Variants in SLC12A2 observed in about 807,000 individuals in gnomAD.
SLC12A2 encodes the protein Na-K-2Cl cotransporter 1.
SLC12A2 carries 67 observed loss-of-function variants against 136.3 expected under a neutral mutation model. The observed-to-expected ratio is 0.49, with a 90% CI of 0.40 to 0.60. SLC12A2 has a LOEUF of 0.60. SLC12A2 is among the 20% of genes least tolerant of loss of function. SLC12A2 has a pLI of 0.00. For missense variants in SLC12A2, 1,322 were observed against 1,534.7 expected (o/e 0.86, Z 2.32); for synonymous variants, 619 against 562.9 (o/e 1.10, Z -1.41).
intron 4 of SLC12A2, among the ~76,000 whole-genome samples, chr5:128,126,966 A>ATATAATTTTTTT: frequency 1.4e-4 from 3 of 21,156 alleles, no homozygotes; most frequent in African/African-American, 7.5e-4. Context: ...ATATATATAT[A>ATATAATTTTTTT]TTTTTTTTTT....
chr5:128,124,219 T>C (rs938358995), intron 4 of SLC12A2, among the ~76,000 whole-genome samples: 4 of 152,220 alleles, frequency 2.6e-5, no homozygotes, highest in African/African-American at 7.2e-5. Flanking sequence ...TTTTACACAC[T>C]TCTGACTCCA....
intron 17 of SLC12A2, among the ~76,000 whole-genome samples, chr5:128,162,542 AAGTTG>A (rs1763075070): frequency 6.6e-6 from 1 of 152,180 alleles, no homozygotes; most frequent in African/African-American, 2.4e-5. Context: ...GAGGCACCAA[AAGTTG>A]AGTTCAGTAG....
intron 19 of SLC12A2, among the ~76,000 whole-genome samples, chr5:128,172,700 C>T (rs545989371): frequency 1.3e-3 from 201 of 152,282 alleles, no homozygotes; most frequent in South Asian, 6.6e-3. Flanking sequence ...GTGGCCCATG[C>T]CTGTAATCCC....
In SLC12A2 at chr5:128,186,538, C is replaced by G. The variant is rs1763876015; in HGVS notation, c.3546C>G (p.Leu1182=). 1 of 1,612,346 alleles carries G rather than the reference C, an allele frequency of 6.2e-7. No homozygotes were observed. ...VARKGAVSSA[L]YMAWLEALSK... ...GAAAAGGTGCTGTGTCTAGTGCTCT[C>G]TACATGGCATGGTTAGAAGCTCTAT... Residue 1182 remains leucine, a synonymous_variant, in exon 27 of 27, where the codon CTC becomes CTG. Transcript: ENST00000262461.
chr5:128,088,598 A>G (rs1444832014), intron 1 of SLC12A2, among the ~76,000 whole-genome samples: 1 of 152,094 alleles, frequency 6.6e-6, no homozygotes, highest in African/African-American at 2.4e-5. Context: ...GTGTTTTACT[A>G]TTTTGACTGC....
At chr5:128,091,919 T>C (rs1040132236) in intron 1 of SLC12A2, among the ~76,000 whole-genome samples, 1 of 152,216 alleles carries the variant, frequency 6.6e-6, no homozygotes, top group Non-Finnish European at 1.5e-5. Context: ...TCTGGAAACC[T>C]GTGGGATAGT....
intron 4 of SLC12A2, among the ~76,000 whole-genome samples, chr5:128,116,122 A>G (rs1236832503): frequency 6.6e-6 from 1 of 152,194 alleles, no homozygotes; most frequent in Non-Finnish European, 1.5e-5. Context: ...GAAAGTGGGA[A>G]GAGAAATGGG....
Position 128,110,436 on chromosome 5 carries a change from T to C in SLC12A2, c.757-2378T>C, listed in dbSNP as rs1761100988. 3 of 1,160,062 alleles carry C rather than the reference T, an allele frequency of 2.6e-6. No individual in the cohort carries two copies. In the South Asian group the frequency reaches 3.7e-5, roughly 14 times the overall value. The allele number at this position is 1,160,062 out of a possible 1,614,324, so 71.9% of individuals were successfully genotyped here. On this transcript the variant is annotated intron_variant, in intron 1 of 26. Coordinates refer to ENST00000262461, the MANE Select transcript of SLC12A2 (RefSeq NM_001046.3). ...AGGGCAAGACAGCCGCAAAGGAGAC[T>C]TGAGCTGGTTAAACTCAGTAGAAAC...
chr5:128,093,851 A>C (rs989680210), intron 1 of SLC12A2, among the ~76,000 whole-genome samples: 4 of 152,108 alleles, frequency 2.6e-5, no homozygotes, highest in African/African-American at 9.7e-5. Flanking sequence ...TGCCCAAAAC[A>C]AAACTGATCA....
chr5:128,126,966 A>ATATATATATATTTATATATATAATTTTT, intron 4 of SLC12A2, among the ~76,000 whole-genome samples: 1 of 21,156 alleles, frequency 4.7e-5, no homozygotes, highest in East Asian at 8.2e-4. Context: ...ATATATATAT[A>ATATATATATATTTATATATATAATTTTT]TTTTTTTTTT....
chr5:128,168,956 T>C (rs982650653), intron 18 of SLC12A2: 1 of 152,238 alleles, frequency 6.6e-6, no homozygotes, highest in Non-Finnish European at 1.5e-5. Context: ...GGTTGTGTTC[T>C]GTTTGTGGAT....
chr5:128,096,391 A>T (rs1760538162), intron 1 of SLC12A2, among the ~76,000 whole-genome samples: 1 of 152,106 alleles, frequency 6.6e-6, no homozygotes, highest in Non-Finnish European at 1.5e-5. Context: ...TCTAGATATT[A>T]ACCTCTTTTT....
Position 128,148,809 on chromosome 5 carries a change from G to A in SLC12A2, c.1937G>A (p.Gly646Glu). The A allele has an allele frequency of 6.2e-7, 1 of 1,608,170 alleles. No individual in the cohort carries two copies. The highest frequency in any genetic ancestry group is 1.1e-5 in the South Asian group (1 of 90,274). ...PAFQMFAKGY[G>E]KNNEPLRGYI... Reference sequence around the variant, plus strand: ...TTCCAGATGTTTGCTAAAGGTTATGGGAAAAATAATGAACCTCTTCGTGGC... The same window carrying A: ...TTCCAGATGTTTGCTAAAGGTTATGAGAAAAATAATGAACCTCTTCGTGGC... Residue 646 changes from glycine (G) to glutamate (E), a missense_variant, in exon 12 of 27, where the codon GGG becomes GAG. Around this residue, in one of 8 missense-constraint regions of SLC12A2, gnomAD observed 294 missense variants for 436.6 expected, o/e 0.67. Coordinates refer to ENST00000262461, the MANE Select transcript of SLC12A2 (RefSeq NM_001046.3).
chr5:128,098,485 T>G (rs1430325669), intron 1 of SLC12A2, among the ~76,000 whole-genome samples: 1 of 151,098 alleles, frequency 6.6e-6, no homozygotes, highest in African/African-American at 2.4e-5. Flanking sequence ...TTGTTTTTTT[T>G]GTTTTTTTTG....
At chr5:128,096,924 G>A (rs1446592642) in intron 1 of SLC12A2, among the ~76,000 whole-genome samples, 1 of 152,006 alleles carries the variant, frequency 6.6e-6, no homozygotes, top group Non-Finnish European at 1.5e-5. Flanking sequence ...ATAGCAGTCT[G>A]TAATAACCCT....
chr5:128,139,691 G>A (rs1254329956), intron 9 of SLC12A2, among the ~76,000 whole-genome samples: 5 of 152,114 alleles, frequency 3.3e-5, no homozygotes, highest in Admixed American at 2.0e-4. Context: ...GTTTACATAT[G>A]GTTTGCATTT....
chr5:128,131,490 G>A (rs887397118), intron 5 of SLC12A2, among the ~76,000 whole-genome samples: 6 of 151,142 alleles, frequency 4.0e-5, no homozygotes, highest in Admixed American at 1.3e-4. Flanking sequence ...TCAGGAGATC[G>A]AGACCATCCT....
At chr5:128,138,934 T>G in intron 9 of SLC12A2, 26 bp downstream of exon 9, 1 of 1,506,604 alleles carries the variant, frequency 6.6e-7, no homozygotes, top group South Asian at 1.2e-5. Context: ...TTTCTTTATG[T>G]GTCGCAGAAA....
At chr5:128,173,058 T>A (rs1244171020) in intron 19 of SLC12A2, among the ~76,000 whole-genome samples, 1 of 152,220 alleles carries the variant, frequency 6.6e-6, no homozygotes, top group Non-Finnish European at 1.5e-5. Flanking sequence ...TAAGAAAATT[T>A]ACATATATAA....
Sources: allele counts gnomAD v4.1 joint callset (sites outside exome capture counted in the v4.1 genomes callset), GRCh38; gene constraint gnomAD v4.1.1; regional missense constraint gnomAD v4.1.1; transcripts MANE v1.5; gene names NCBI Gene and HGNC (gene_info 2026-07-23, HGNC 2026-07-21).